Variants in RASEF observed in about 807,000 individuals in gnomAD.
RASEF encodes the protein RAS and EF-hand domain containing.
Under a neutral mutation model 90.1 loss-of-function variants are expected in RASEF, and 68 were observed. The observed-to-expected ratio is 0.75, with a 90% CI of 0.62 to 0.92. RASEF has a LOEUF of 0.92. Among genes scored for constraint, RASEF ranks in the 40% least tolerant of loss-of-function variants. The pLI is 0.00. For synonymous variants in RASEF, 331 were observed against 345.2 expected (o/e 0.96, Z 0.46); for missense variants, 949 against 937.2 (o/e 1.01, Z -0.16).
At chr9:82,999,984 G>GAC (rs55873985) in intron 12 of RASEF, among the ~76,000 whole-genome samples, 185 bp downstream of exon 12, 4,729 of 140,928 alleles carry the variant, frequency 0.034, 93 homozygotes, top group Admixed American at 0.056. Context: ...TAGACTAGGA[G>GAC]ACACACACAC....
intron 8 of RASEF, among the ~76,000 whole-genome samples, chr9:83,005,207 G>A (rs1311240254): frequency 6.6e-6 from 1 of 152,052 alleles, no homozygotes; most frequent in Non-Finnish European, 1.5e-5. Context: ...AAAAAGAGTT[G>A]GTTAACATTG....
rs1192198991 is a variant in RASEF at position 83,049,392 on chromosome 9, G to A, written c.431+13045C>T. 6 of 930,498 alleles carry A rather than the reference G, an allele frequency of 6.4e-6. No homozygotes were observed. The African/African-American group carries it at 8.9e-5, about 14-fold the overall frequency. 57.6% of individuals were successfully genotyped at this position (930,498 alleles called of 1,614,324 possible). A position where few individuals can be genotyped will look rare whatever the true frequency, so the allele number is the denominator to read the frequency against. ...GGACTGGCTCATACATGGCTATCTTGAACACATTTCTATGATCAAAAGCCC... is the reference window on the plus strand; with the variant it reads ...GGACTGGCTCATACATGGCTATCTTAAACACATTTCTATGATCAAAAGCCC... On this transcript the variant is annotated intron_variant, in intron 1 of 16. Coordinates refer to ENST00000376447, the MANE Select transcript of RASEF (RefSeq NM_152573.4).
chr9:83,093,062 A>G, the RASEF span, among the ~76,000 whole-genome samples: 1 of 151,684 alleles, frequency 6.6e-6, no homozygotes, highest in African/African-American at 2.4e-5. Context: ...GAGTAGCTAG[A>G]TACAGAGTGT....
the RASEF span, among the ~76,000 whole-genome samples, chr9:83,151,331 A>G: frequency 6.6e-6 from 1 of 152,172 alleles, no homozygotes; most frequent in Non-Finnish European, 1.5e-5. Flanking sequence ...AGGAATTTCC[A>G]AGAGGCCTGT....
chr9:83,124,752 C>T, the RASEF span, among the ~76,000 whole-genome samples: 1 of 152,086 alleles, frequency 6.6e-6, no homozygotes, highest in Admixed American at 6.5e-5. Flanking sequence ...CTCTGGTCAG[C>T]TTTGGAAAAC....
intron 7 of RASEF, among the ~76,000 whole-genome samples, chr9:83,007,045 G>C (rs936180173): frequency 2.1e-5 from 3 of 144,466 alleles, no homozygotes; most frequent in Non-Finnish European, 4.5e-5. Flanking sequence ...AGTGAGCCGA[G>C]ATTGCACCAC....
At position 83,062,925 on chromosome 9, in the gene RASEF, C is replaced by T. The variant is rs1441471450; in HGVS notation, c.-58G>A. ...GAGCGCCGCGGGGCGCAGGGCCCTC[C>T]CTGGAAGGACGGGGCCACCTGCTGC... On this transcript the variant is annotated 5_prime_UTR_variant, in exon 1 of 17. Coordinates refer to ENST00000376447, the MANE Select transcript of RASEF (RefSeq NM_152573.4). 7.3e-7 allele frequency: 1 copy of T among 1,369,500 alleles called. No individual in the cohort carries two copies. Among genetic ancestry groups the T allele is most frequent in the East Asian group, 3.0e-5 (1 of 33,208 alleles). 84.8% of individuals were successfully genotyped at this position (1,369,500 alleles called of 1,614,324 possible). A position where few individuals can be genotyped will look rare whatever the true frequency, so the allele number is the denominator to read the frequency against.
rs1828572508 is a variant in RASEF, at chr9:82,980,165, T to A, written c.*2512A>T. On this transcript the variant is annotated 3_prime_UTR_variant, in exon 17 of 17. Coordinates refer to ENST00000376447, the MANE Select transcript of RASEF (RefSeq NM_152573.4). Reference sequence around the variant, plus strand: ...GTAGTATAACTATGATTTTAAAATATCTTAAAGAAAAACAGGGACAAGGTG... The same window carrying A: ...GTAGTATAACTATGATTTTAAAATAACTTAAAGAAAAACAGGGACAAGGTG... 1 of 152,184 alleles carries A rather than the reference T, an allele frequency of 6.6e-6. No individual in the cohort carries two copies. Among genetic ancestry groups the A allele is most frequent in the South Asian group, 2.1e-4 (1 of 4,830 alleles). 9.4% of individuals were successfully genotyped at this position (152,184 alleles called of 1,614,324 possible). A position where few individuals can be genotyped will look rare whatever the true frequency, so the allele number is the denominator to read the frequency against.
chr9:83,135,934 T>C, the RASEF span, among the ~76,000 whole-genome samples: 1 of 152,154 alleles, frequency 6.6e-6, no homozygotes, highest in Non-Finnish European at 1.5e-5. Flanking sequence ...AGTGAAAATC[T>C]AGTAGTCAAT....
At chr9:83,102,731 G>A in the RASEF span, among the ~76,000 whole-genome samples, 1 of 152,154 alleles carries the variant, frequency 6.6e-6, no homozygotes. Flanking sequence ...GCTAGTTTGA[G>A]TAATTTTGCC....
rs555842009 is a variant in RASEF, at chr9:83,058,172, CTTTTTTTTTTTT to C, written c.431+4253_431+4264del. Reference sequence around the variant, plus strand: ...CGGCTCACTCCTGATGTATTTATGTCTTTTTTTTTTTTTTTTTTTTTTTTTTTTGAGAAGGAG... The same window carrying C: ...CGGCTCACTCCTGATGTATTTATGTCTTTTTTTTTTTTTTTTGAGAAGGAG... On this transcript the variant is annotated intron_variant, in intron 1 of 16. Coordinates refer to ENST00000376447, the MANE Select transcript of RASEF (RefSeq NM_152573.4). Among the ~76,000 whole-genome samples the C allele has an allele frequency of 4.1e-3, 238 of 57,900 alleles. 4 individuals are homozygous for C. Among genetic ancestry groups the C allele is most frequent in the African/African-American group, 0.015 (220 of 14,532 alleles). The allele number at this position is 57,900 out of a possible 152,430, so 38.0% of individuals were successfully genotyped here.
the RASEF span, among the ~76,000 whole-genome samples, chr9:83,173,753 T>C: frequency 6.6e-6 from 1 of 151,906 alleles, no homozygotes; most frequent in African/African-American, 2.4e-5. Flanking sequence ...CCTTATTTAG[T>C]CTGTTTGGTG....
chr9:83,009,818 A>G, intron 5 of RASEF, 62 bp from the exon 6 acceptor site: 1 of 1,008,400 alleles, frequency 9.9e-7, no homozygotes, highest in Non-Finnish European at 1.6e-6. Flanking sequence ...GGAGAAATGA[A>G]GTAAAGTGTC....
At chr9:83,105,120 T>C in the RASEF span, among the ~76,000 whole-genome samples, 1 of 152,202 alleles carries the variant, frequency 6.6e-6, no homozygotes, top group Non-Finnish European at 1.5e-5. Context: ...TGTAGCCTAC[T>C]CAAGCCTGGG....
At chr9:83,166,597 T>A in the RASEF span, among the ~76,000 whole-genome samples, 1 of 152,152 alleles carries the variant, frequency 6.6e-6, no homozygotes, top group East Asian at 1.9e-4. Context: ...TACGGTTTCA[T>A]TGGACAGAAT....
the RASEF span, among the ~76,000 whole-genome samples, chr9:83,078,683 A>C: frequency 1.3e-5 from 2 of 151,836 alleles, no homozygotes; most frequent in Admixed American, 6.6e-5. Context: ...AAAAAGAGAG[A>C]GAGAGAGAAA....
the RASEF span, among the ~76,000 whole-genome samples, chr9:83,188,289 T>C: frequency 1.3e-5 from 2 of 152,244 alleles, no homozygotes; most frequent in African/African-American, 4.8e-5. Flanking sequence ...TGTAATGGAC[T>C]TGCCCAAGGA....
Position 83,000,590 on chromosome 9 carries a change from A to G in RASEF, c.1438-20T>C. The G allele has an allele frequency of 6.3e-7, 1 of 1,575,146 alleles. No individual in the cohort carries two copies. The highest frequency in any genetic ancestry group is 1.4e-5 in the African/African-American group (1 of 72,760). On this transcript the variant is annotated intron_variant, in intron 10 of 16. Coordinates refer to ENST00000376447, the MANE Select transcript of RASEF (RefSeq NM_152573.4). ...AGGAACCTATTTTTTTTAAAATGTC[A>G]GCAGTTAAATTAAAAAATGTCAGCA... is the stretch of plus-strand genomic sequence containing the variant.
At chr9:83,138,515 G>A in the RASEF span, among the ~76,000 whole-genome samples, 82 of 152,264 alleles carry the variant, frequency 5.4e-4, 1 homozygote, top group Non-Finnish European at 8.5e-4. Flanking sequence ...ATTTTGAGGC[G>A]TAGAAAACAC....
Sources: gnomAD v4.1 joint callset for allele counts (sites outside exome capture counted in the v4.1 genomes callset) on GRCh38, gnomAD v4.1.1 for gene constraint, MANE v1.5 for transcripts, NCBI Gene and HGNC (gene_info 2026-07-23, HGNC 2026-07-21) for gene names.